The following AURKB variants were observed in gnomAD, a reference collection of about 807,000 sequenced individuals.
AURKB encodes the protein aurora kinase B, also known as aurora kinase B-Sv1.
Under a neutral mutation model 36.5 loss-of-function variants are expected in AURKB, and 28 were observed. The observed-to-expected ratio is 0.77, with a 90% CI of 0.57 to 1.05. The LOEUF is 1.05. AURKB is among the 50% of genes least tolerant of loss of function. The pLI is 0.00. For missense variants in AURKB, 383 were observed against 447.4 expected (o/e 0.86, Z 1.30); for synonymous variants, 175 against 172.9 (o/e 1.01, Z -0.09).
intron 2 of AURKB, 43 bp downstream of exon 2, chr17:8,210,134 A>T: frequency 2.5e-6 from 4 of 1,609,920 alleles, no homozygotes; most frequent in Non-Finnish European, 3.4e-6. Flanking sequence ...GGAACTCGCC[A>T]TGCGGGGTCA....
intron 3 of AURKB, 36 bp from the exon 4 acceptor site, chr17:8,207,661 G>A (rs1428893223): frequency 1.9e-6 from 3 of 1,613,722 alleles, no homozygotes; most frequent in Non-Finnish European, 2.5e-6. Flanking sequence ...TGCGAACAGG[G>A]ATGACCTTCT....
rs1307369422 is a variant in AURKB, at chr17:8,207,362, T to C, written c.212A>G (p.His71Arg). ...SSGTPDILTR[H>R]FTIDDFEIGR... ...AATCTCAAAGTCATCAATTGTGAAGTGCCGCCTGCTTAGAAAGTGGAGGAA... is the reference window on the plus strand; with the variant it reads ...AATCTCAAAGTCATCAATTGTGAAGCGCCGCCTGCTTAGAAAGTGGAGGAA... The change falls in exon 5 of 9, where the codon CAC (histidine) becomes CGC (arginine). Residue 71 changes from histidine to arginine, a missense_variant. This residue lies in a region of AURKB where 105 missense variants were observed against 95.7 expected (regional missense o/e 1.10). Coordinates refer to ENST00000585124, the MANE Select transcript of AURKB (RefSeq NM_004217.4). 2 of 1,612,220 alleles carry C rather than the reference T, an allele frequency of 1.2e-6. No homozygotes were observed. The highest frequency in any genetic ancestry group is 1.7e-5 in the Admixed American group (1 of 59,958).
At chr17:8,205,956 G>A (rs1204681276) in intron 7 of AURKB, among the ~76,000 whole-genome samples, 1 of 151,994 alleles carries the variant, frequency 6.6e-6, no homozygotes, top group East Asian at 1.9e-4. Flanking sequence ...TCATCATGTT[G>A]GCCAGGCTGG....
At position 8,204,863 on chromosome 17, in the gene AURKB, A is replaced by C. The variant is rs1416440201; in HGVS notation, c.*8T>G. The C allele has an allele frequency of 1.2e-6, 2 of 1,611,740 alleles. No homozygotes were observed. The highest frequency in any genetic ancestry group is 2.7e-5 in the African/African-American group (2 of 74,612). On this transcript the variant is annotated 3_prime_UTR_variant, in exon 9 of 9. Transcript: ENST00000585124. ...AAACACACGCACCCGAGTGAATGAC[A>C]GGGACCATCAGGCGACAGATTGAAG... is the stretch of plus-strand genomic sequence containing the variant.
rs758519714 is a variant in AURKB, at chr17:8,207,299, T to C, written c.275A>G (p.Tyr92Cys). 3 of 1,614,198 alleles carry C rather than the reference T, an allele frequency of 1.9e-6. No individual in the cohort carries two copies. The highest frequency in any genetic ancestry group is 1.6e-4 in the Middle Eastern group (1 of 6,062). The stretch of plus-strand genomic sequence containing the variant: ...ATGGCTTTTCTTCTCCCGAGCCAAG[T>C]ACACGTTTCCAAACTTGCCTTTGCC... ...PLGKGKFGNV[Y>C]LAREKKSHFI... The change falls in exon 5 of 9, where the codon TAC becomes TGC. Residue 92 changes from tyrosine to cysteine, a missense_variant. Tyr to Cys is a radical substitution (Grantham distance 194). Around this residue, in one of 3 missense-constraint regions of AURKB, gnomAD observed 59 missense variants for 99.0 expected, o/e 0.60. Transcript: ENST00000585124.
chr17:8,206,415 G>C lies in AURKB; in HGVS notation c.686+76C>G. 6.4e-7 allele frequency: 1 copy of C among 1,572,354 alleles called. No homozygotes were observed. Among genetic ancestry groups the C allele is most frequent in the Non-Finnish European group, 8.7e-7 (1 of 1,155,582 alleles). Reference sequence around the variant, plus strand: ...CAAAGTGCTGGGATTACAGGTGTGAGCCACGGTGCACGGCCCCTGGAGAGG... The same window carrying C: ...CAAAGTGCTGGGATTACAGGTGTGACCCACGGTGCACGGCCCCTGGAGAGG... On this transcript the variant is annotated intron_variant, in intron 7 of 8. Coordinates refer to ENST00000585124, the MANE Select transcript of AURKB (RefSeq NM_004217.4). The surrounding 1 kb of genome is among the most constrained non-coding windows in gnomAD (Gnocchi z 4.2).
At chr17:8,210,314 C>T (rs2151480296) in intron 1 of AURKB, 65 bp from the exon 2 acceptor site, 1 of 1,207,458 alleles carries the variant, frequency 8.3e-7, no homozygotes, top group Non-Finnish European at 1.2e-6. Context: ...AGGGGTTGGA[C>T]CGATCGAGCC....
In AURKB at chr17:8,207,330, G is replaced by T. The variant is rs1985459887; in HGVS notation, c.244C>A (p.Pro82Thr). The change falls in exon 5 of 9, where the codon CCT becomes ACT. Residue 82 changes from proline (P) to threonine (T), a missense_variant. Coordinates refer to ENST00000585124, the MANE Select transcript of AURKB (RefSeq NM_004217.4). ...TTTCCAAACTTGCCTTTGCCCAGAG[G>T]ACGCCCAATCTCAAAGTCATCAATT... Reference protein sequence around the residue: ...FTIDDFEIGRPLGKGKFGNVY... With the variant: ...FTIDDFEIGRTLGKGKFGNVY... 6.2e-7 allele frequency: 1 copy of T among 1,614,034 alleles called. No individual in the cohort carries two copies. The highest frequency in any genetic ancestry group is 8.5e-7 in the Non-Finnish European group (1 of 1,180,042).
intron 2 of AURKB, 178 bp from the exon 3 acceptor site, chr17:8,208,018 A>G: frequency 5.3e-6 from 3 of 569,514 alleles, no homozygotes; most frequent in South Asian, 4.6e-5. Flanking sequence ...GTCCCATATT[A>G]AAATGGGTTA....
chr17:8,205,155 A>ACCCCCCACC, intron 8 of AURKB, 61 bp downstream of exon 8: 1 of 1,557,202 alleles, frequency 6.4e-7, no homozygotes, highest in Non-Finnish European at 8.7e-7. Context: ...CACTCTGCCC[A>ACCCCCCACC]CCCCCAGCCC....
intron 2 of AURKB, chr17:8,209,867 G>T: frequency 2.1e-6 from 1 of 473,158 alleles, no homozygotes; most frequent in Non-Finnish European, 3.7e-6. Context: ...TCAGGATATG[G>T]ATTGGGAATC....
At chr17:8,210,289 A>G in intron 1 of AURKB, 40 bp from the exon 2 acceptor site, 1 of 1,429,860 alleles carries the variant, frequency 7.0e-7, no homozygotes, top group Non-Finnish European at 9.7e-7. Flanking sequence ...AGCAGAGAAA[A>G]AGAGAGAGAG....
rs558658575 is a variant in AURKB, at chr17:8,206,240, C to T, written c.686+251G>A. Among the ~76,000 whole-genome samples, 3 of 151,808 alleles carry T rather than the reference C, an allele frequency of 2.0e-5. No homozygotes were observed. Among genetic ancestry groups the T allele is most frequent in the South Asian group, 2.1e-4 (1 of 4,814 alleles). ...CCGCCTCCCAGGTTCAAACAATTCT[C>T]CTGCCTCAGCCTCCCCAGTAGCTGG... On this transcript the variant is annotated intron_variant, in intron 7 of 8. Coordinates refer to ENST00000585124, the MANE Select transcript of AURKB (RefSeq NM_004217.4). This position sits in a 1 kb window ranked among gnomAD's most constrained non-coding sequence, Gnocchi z 4.2.
intron 7 of AURKB, 89 bp from the exon 8 acceptor site, chr17:8,205,479 A>G (rs1985128205): frequency 6.7e-7 from 1 of 1,495,688 alleles, no homozygotes; most frequent in Non-Finnish European, 9.1e-7. Flanking sequence ...CCAAAAGACC[A>G]CGGGATGTAC....
chr17:8,207,790 A>G lies in AURKB; in HGVS notation c.99T>C (p.Pro33=), dbSNP rs1236350186. 8.1e-6 allele frequency: 13 copies of G among 1,614,012 alleles called. No individual in the cohort carries two copies. The highest frequency in any genetic ancestry group is 1.1e-5 in the Non-Finnish European group (13 of 1,180,030). Residue 33 remains proline (P), a synonymous_variant, in exon 3 of 9, where the codon CCT becomes CCC. Transcript: ENST00000585124. ...TLPQRVLRKE[P]VTPSALVLMS... ...TGAGGACAAGTGCAGATGGGGTGACAGGCTCTTTCCGGAGGACTCGCTGGG... is the reference window on the plus strand; with the variant it reads ...TGAGGACAAGTGCAGATGGGGTGACGGGCTCTTTCCGGAGGACTCGCTGGG...
chr17:8,210,562 G>T lies in AURKB; in HGVS notation c.-58C>A, dbSNP rs976048174. 1.6e-5 allele frequency: 6 copies of T among 373,878 alleles called. No homozygotes were observed. Among genetic ancestry groups the T allele is most frequent in the Non-Finnish European group, 2.9e-5 (6 of 205,952 alleles). The allele number at this position is 373,878 out of a possible 1,614,324, so 23.2% of individuals were successfully genotyped here. Reference sequence around the variant, plus strand: ...CCAAGGCACTGCTACTCTCCCGGCCGCCCGCAAACAACTGAATCTGCCACG... The same window carrying T: ...CCAAGGCACTGCTACTCTCCCGGCCTCCCGCAAACAACTGAATCTGCCACG... On this transcript the variant is annotated 5_prime_UTR_variant, in exon 1 of 9. Transcript: ENST00000585124.
Position 8,210,239 on chromosome 17 carries a change from G to A in AURKB, c.-15C>T, listed in dbSNP as rs201950509. 5 of 1,595,392 alleles carry A rather than the reference G, an allele frequency of 3.1e-6. No homozygotes were observed. In the South Asian group the frequency reaches 5.6e-5, roughly 18 times the overall value. On this transcript the variant is annotated 5_prime_UTR_variant, in exon 2 of 9. Coordinates refer to ENST00000585124, the MANE Select transcript of AURKB (RefSeq NM_004217.4). Reference sequence around the variant, plus strand: ...TTCTGGGCCATCCTTAGAGAGAAAGGGGGAGGAGAGCTGGGCGGAGAAGGG... The same window carrying A: ...TTCTGGGCCATCCTTAGAGAGAAAGAGGGAGGAGAGCTGGGCGGAGAAGGG...
intron 7 of AURKB, among the ~76,000 whole-genome samples, chr17:8,205,696 T>G (rs1985164140): frequency 6.6e-6 from 1 of 152,164 alleles, no homozygotes; most frequent in Non-Finnish European, 1.5e-5. Context: ...ATGTTCTGGT[T>G]AAATAAATCA....
In AURKB at chr17:8,206,064, T is replaced by C. The variant is rs549506461; in HGVS notation, c.686+427A>G. Among the ~76,000 whole-genome samples, 21 of 150,690 alleles carry C rather than the reference T, an allele frequency of 1.4e-4. 1 individual carries two copies. In the East Asian group the frequency reaches 4.0e-3, roughly 29 times the overall value. On this transcript the variant is annotated intron_variant, in intron 7 of 8. Transcript: ENST00000585124. The surrounding 1 kb of genome is among the most constrained non-coding windows in gnomAD (Gnocchi z 4.2). ...CGTGAGCCACCGCGCCTGGCCAAAG[T>C]TTTACCATTGGCCCCTACAGGGATC...
Sources: gnomAD v4.1 joint callset for allele counts (sites outside exome capture counted in the v4.1 genomes callset) on GRCh38, gnomAD v4.1.1 for gene constraint, gnomAD v4.1.1 regional missense constraint, Gnocchi (gnomAD v3.1) non-coding constraint, MANE v1.5 for transcripts, NCBI Gene and HGNC (gene_info 2026-07-23, HGNC 2026-07-21) for gene names.